The following ZCWPW2 variants were observed in gnomAD, a reference collection of about 807,000 sequenced individuals.
ZCWPW2 encodes the protein zinc finger CW-type and PWWP domain containing 2.
ZCWPW2 carries 45 observed loss-of-function variants against 46.6 expected under a neutral mutation model. The observed-to-expected ratio is 0.96, with a 90% CI of 0.76 to 1.24. The LOEUF is 1.24. Among genes scored for constraint, ZCWPW2 ranks in the 50% most tolerant of loss-of-function variants. The pLI, the probability that ZCWPW2 is intolerant of heterozygous loss-of-function variation, is 0.00. For synonymous variants in ZCWPW2, 152 were observed against 137.1 expected (o/e 1.11, Z -0.76); for missense variants, 429 against 403.9 (o/e 1.06, Z -0.53).
At chr3:28,435,389 T>G in intron 4 of ZCWPW2, 120 bp downstream of exon 4, 2 of 821,376 alleles carry the variant, frequency 2.4e-6, no homozygotes. Flanking sequence ...GTATGCTGTT[T>G]ATTTAATTCA....
At chr3:28,444,215 C>A (rs1485739338) in intron 4 of ZCWPW2, among the ~76,000 whole-genome samples, 1 of 152,126 alleles carries the variant, frequency 6.6e-6, no homozygotes, top group African/African-American at 2.4e-5. Flanking sequence ...ACTCAAACAG[C>A]CCTTCTTGAG....
chr3:28,439,096 TACAC>T (rs745601879), intron 4 of ZCWPW2, among the ~76,000 whole-genome samples: 2 of 143,910 alleles, frequency 1.4e-5, no homozygotes, highest in South Asian at 2.2e-4. Flanking sequence ...TACACATATA[TACAC>T]ACACACACAC....
At chr3:28,442,204 C>A (rs1430211183) in intron 4 of ZCWPW2, among the ~76,000 whole-genome samples, 2 of 152,170 alleles carry the variant, frequency 1.3e-5, no homozygotes, top group Non-Finnish European at 2.9e-5. Context: ...CCAAATAAAC[C>A]CATTAGGCAT....
chr3:28,460,974 A>G, intron 4 of ZCWPW2: 1 of 260,200 alleles, frequency 3.8e-6, no homozygotes, highest in Non-Finnish European at 8.8e-6. Flanking sequence ...TTAGATTATG[A>G]GATCTATGAC....
rs763584026 is a variant in ZCWPW2 at position 28,435,253 on chromosome 3, A to G, written c.476A>G (p.Tyr159Cys). 1.2e-6 allele frequency: 2 copies of G among 1,610,116 alleles called. No homozygotes were observed. Among genetic ancestry groups the G allele is most frequent in the South Asian group, 2.2e-5 (2 of 89,700 alleles). Residue 159 changes from tyrosine to cysteine, a missense_variant, in exon 4 of 10, where the codon TAT becomes TGT. By Grantham distance (194) the Tyr-to-Cys change is radical. Transcript: ENST00000383768. ...ATAAAGGCAACATTCGTTGGACATT[A>G]TAGTATCACATTAAAGGTAGGTATC... ...SWIKATFVGH[Y>C]SITLKPEKCK...
intron 4 of ZCWPW2, among the ~76,000 whole-genome samples, chr3:28,436,709 C>A (rs1160533529): frequency 1.6e-4 from 25 of 152,070 alleles, no homozygotes; most frequent in Admixed American, 1.6e-3. Context: ...TGGAATAACA[C>A]CATATAAATC....
intron 3 of ZCWPW2, among the ~76,000 whole-genome samples, chr3:28,427,657 T>A (rs1474651568): frequency 6.6e-6 from 1 of 152,172 alleles, no homozygotes; most frequent in Non-Finnish European, 1.5e-5. Flanking sequence ...ATTTATAAAG[T>A]AATAATTTAA....
chr3:28,400,272 C>G (rs1695868351), intron 2 of ZCWPW2, among the ~76,000 whole-genome samples: 1 of 151,706 alleles, frequency 6.6e-6, no homozygotes, highest in African/African-American at 2.4e-5. Context: ...TGAACAAAGC[C>G]CAAAGAAGTC....
At chr3:28,374,541 T>C (rs1246622376) in intron 1 of ZCWPW2, among the ~76,000 whole-genome samples, 1 of 152,180 alleles carries the variant, frequency 6.6e-6, no homozygotes, top group Non-Finnish European at 1.5e-5. Context: ...AGGGATTATA[T>C]TGAATTTGTA....
chr3:28,373,034 C>T (rs1329237835), intron 1 of ZCWPW2, among the ~76,000 whole-genome samples: 1 of 152,156 alleles, frequency 6.6e-6, no homozygotes, highest in Non-Finnish European at 1.5e-5. Flanking sequence ...CACAGACCCC[C>T]TACATTTTCT....
chr3:28,390,662 G>A (rs912562747), intron 2 of ZCWPW2, 45 bp downstream of exon 2: 1 of 984,576 alleles, frequency 1.0e-6, no homozygotes, highest in Non-Finnish European at 1.2e-6. Flanking sequence ...TAGTACATAA[G>A]CATTTTTATT....
intron 8 of ZCWPW2, among the ~76,000 whole-genome samples, chr3:28,516,495 T>C (rs1452578369): frequency 1.3e-5 from 2 of 152,094 alleles, no homozygotes; most frequent in Non-Finnish European, 2.9e-5. Flanking sequence ...GAGAAAGTTT[T>C]AGTTTTCAAA....
At chr3:28,367,214 CT>C (rs937877032) in intron 1 of ZCWPW2, among the ~76,000 whole-genome samples, 1 of 152,080 alleles carries the variant, frequency 6.6e-6, no homozygotes, top group Non-Finnish European at 1.5e-5. Context: ...TCTTGCTTCT[CT>C]AGTTCTTTTA....
intron 6 of ZCWPW2, among the ~76,000 whole-genome samples, chr3:28,509,843 TC>T (rs1432446068): frequency 1.3e-5 from 2 of 152,314 alleles, no homozygotes; most frequent in African/African-American, 4.8e-5. Context: ...TCCAATTTAT[TC>T]TTTTGTTGTT....
At chr3:28,409,122 C>CTTTTTTTTTTT (rs11328735) in intron 2 of ZCWPW2, among the ~76,000 whole-genome samples, 3 of 82,316 alleles carry the variant, frequency 3.6e-5, no homozygotes, top group South Asian at 5.0e-4. Flanking sequence ...TTTTCTTTTT[C>CTTTTTTTTTTT]TTTTTTTTTT....
chr3:28,475,302 T>C (rs1447551576), intron 4 of ZCWPW2, among the ~76,000 whole-genome samples: 1 of 152,154 alleles, frequency 6.6e-6, no homozygotes, highest in African/African-American at 2.4e-5. Flanking sequence ...TGCTTTTTGC[T>C]CTATCATCAA....
chr3:28,465,557 A>T (rs1365825324), intron 4 of ZCWPW2, among the ~76,000 whole-genome samples: 3 of 152,206 alleles, frequency 2.0e-5, no homozygotes, highest in East Asian at 1.9e-4. Flanking sequence ...TTAGAGAAAA[A>T]ACTGGTTGTT....
At chr3:28,478,391 TG>T in intron 4 of ZCWPW2, 1 of 230,264 alleles carries the variant, frequency 4.3e-6, no homozygotes, top group Non-Finnish European at 9.2e-6. Flanking sequence ...ATTACAGGTG[TG>T]AACCACTGCA....
chr3:28,501,215 G>A (rs918813290), intron 6 of ZCWPW2, among the ~76,000 whole-genome samples: 1 of 152,126 alleles, frequency 6.6e-6, no homozygotes, highest in Non-Finnish European at 1.5e-5. Context: ...GCTCCAGCAG[G>A]AAGAAGGAAA....
Sources: gnomAD v4.1 joint callset for allele counts (sites outside exome capture counted in the v4.1 genomes callset) on GRCh38, gnomAD v4.1.1 for gene constraint, MANE v1.5 for transcripts, NCBI Gene and HGNC (gene_info 2026-07-23, HGNC 2026-07-21) for gene names.